Variants in ZNF28 observed in about 807,000 individuals in gnomAD.
The protein encoded by ZNF28 is zinc finger protein KOX24.
In ZNF28, 5 loss-of-function variants were observed where a neutral mutation model predicts 7.2. That is an observed-to-expected ratio of 0.70 (90% confidence interval 0.36 to 1.46). The LOEUF (loss-of-function observed/expected upper bound fraction) is 1.46, where lower values mean the gene tolerates loss of function less well. ZNF28 is among the 40% of genes most tolerant of loss of function. ZNF28 has a pLI of 0.03. For missense variants in ZNF28, 879 were observed against 866.6 expected (o/e 1.01, Z -0.18); for synonymous variants, 288 against 292.4 (o/e 0.99, Z 0.15).
intron 2 of ZNF28, among the ~76,000 whole-genome samples, chr19:52,815,926 T>C (rs183147878): frequency 2.7e-5 from 4 of 147,526 alleles, no homozygotes; most frequent in Non-Finnish European, 5.9e-5. Context: ...GTAACAAACC[T>C]TCACATGTAG....
At position 52,813,929 on chromosome 19, in the gene ZNF28, CTG is replaced by C. The variant is rs1447714195; in HGVS notation, c.15+4013_15+4014del. Among the ~76,000 whole-genome samples, 3 of 145,488 alleles carry C rather than the reference CTG, an allele frequency of 2.1e-5. 1 individual carries two copies. The highest frequency in any genetic ancestry group is 2.0e-4 in the East Asian group (1 of 4,932). On this transcript the variant is annotated intron_variant, in intron 2 of 3. Transcript: ENST00000457749. Reference sequence around the variant, plus strand: ...GGAACAGGGAGGTGGGAGATGGACTCTGTTTATTTTTTTAAGCTCATTTCCAG... The same window carrying C: ...GGAACAGGGAGGTGGGAGATGGACTCTTTATTTTTTTAAGCTCATTTCCAG...
Position 52,801,113 on chromosome 19 carries a change from T to C in ZNF28, c.732A>G (p.Lys244=). The C allele has an allele frequency of 6.2e-7, 1 of 1,614,140 alleles. No individual in the cohort carries two copies. Among genetic ancestry groups the C allele is most frequent in the Non-Finnish European group, 8.5e-7 (1 of 1,180,018 alleles). Residue 244 remains lysine (K), a synonymous_variant, in exon 4 of 4, where the codon AAA becomes AAG. Transcript: ENST00000457749. Reference sequence around the variant, plus strand: ...TAAATACCTTGCCATATACATCACATTTACATTGTTTCTCTTCTAAGTGGG... The same window carrying C: ...TAAATACCTTGCCATATACATCACACTTACATTGTTTCTCTTCTAAGTGGG... ...QITHLEEKQC[K]CDVYGKVFNQ... is the part of the protein sequence containing the mutation.
intron 3 of ZNF28, chr19:52,805,991 A>G (rs2062932506): frequency 6.6e-6 from 1 of 152,094 alleles, no homozygotes; most frequent in African/African-American, 2.4e-5. Flanking sequence ...ATAAATACAT[A>G]AAGTAATTAA....
chr19:52,805,712 G>A (rs1378480435), intron 3 of ZNF28: 2 of 151,390 alleles, frequency 1.3e-5, no homozygotes, highest in East Asian at 3.9e-4. Context: ...GCCAAGCATC[G>A]TGGTTCATGC....
intron 2 of ZNF28, among the ~76,000 whole-genome samples, chr19:52,812,122 G>A (rs1167402865): frequency 2.7e-5 from 3 of 111,876 alleles, no homozygotes; most frequent in South Asian, 3.4e-4. Flanking sequence ...CTGGCCAGCC[G>A]CCCCGTCCGG....
intron 1 of ZNF28, among the ~76,000 whole-genome samples, chr19:52,820,412 C>T (rs1320520645): frequency 4.2e-5 from 3 of 71,386 alleles, no homozygotes; most frequent in Non-Finnish European, 8.3e-5. Flanking sequence ...CCACCGCGCC[C>T]GGCCCTTATT....
chr19:52,811,633 A>G, intron 2 of ZNF28, among the ~76,000 whole-genome samples: 1 of 143,572 alleles, frequency 7.0e-6, no homozygotes, highest in African/African-American at 2.8e-5. Context: ...CCCGTCTGAG[A>G]AGTGAGGAAA....
At chr19:52,806,438 C>A (rs370267155) in intron 3 of ZNF28, among the ~76,000 whole-genome samples, 13 of 152,162 alleles carry the variant, frequency 8.5e-5, no homozygotes, top group African/African-American at 3.1e-4. Flanking sequence ...AGGTGATATG[C>A]CCATCTCAGC....
chr19:52,818,628 A>G (rs2147691694), intron 1 of ZNF28, among the ~76,000 whole-genome samples: 1 of 152,124 alleles, frequency 6.6e-6, no homozygotes, highest in East Asian at 1.9e-4. Context: ...AATTGCTTGA[A>G]CCTGGAAGGT....
intron 2 of ZNF28, among the ~76,000 whole-genome samples, chr19:52,811,607 G>T (rs1302367080): frequency 1.4e-4 from 20 of 145,042 alleles, no homozygotes; most frequent in Middle Eastern, 3.7e-3. Flanking sequence ...GGTGAGGAGC[G>T]TCTCTGCCCG....
chr19:52,798,470 T>C lies in ZNF28; in HGVS notation c.*1218A>G. The stretch of plus-strand genomic sequence containing the variant: ...CTCCAAAAGGAATTGTCTGATGGTC[T>C]GCAAGGAGTGATCTCGGACTGAAGA... On this transcript the variant is annotated 3_prime_UTR_variant, in exon 4 of 4. Transcript: ENST00000457749. 2.1e-6 allele frequency: 1 copy of C among 470,996 alleles called. No individual in the cohort carries two copies. Among genetic ancestry groups the C allele is most frequent in the South Asian group, 1.6e-5 (1 of 61,470 alleles). The allele number at this position is 470,996 out of a possible 1,614,324, so 29.2% of individuals were successfully genotyped here.
At chr19:52,816,633 C>T (rs1331861785) in intron 2 of ZNF28, among the ~76,000 whole-genome samples, 1 of 125,816 alleles carries the variant, frequency 7.9e-6, no homozygotes, top group Non-Finnish European at 1.6e-5. Flanking sequence ...CAAAGCACTC[C>T]ACCCTGGGTG....
rs1377518649 is a variant in ZNF28, at chr19:52,814,844, A to G, written c.15+3100T>C. On this transcript the variant is annotated intron_variant, in intron 2 of 3. Coordinates refer to ENST00000457749, the MANE Select transcript of ZNF28 (RefSeq NM_006969.5). ...AGAGGCTACAGTGAGCCAAGATCAC[A>G]CCACTGCGCTCCAGCCTGGGCAACA... Among the ~76,000 whole-genome samples the G allele has an allele frequency of 2.0e-5, 3 of 146,670 alleles. 1 individual carries two copies. In the East Asian group the frequency reaches 6.0e-4, roughly 29 times the overall value.
chr19:52,810,732 A>G, intron 2 of ZNF28: 1 of 701,900 alleles, frequency 1.4e-6, no homozygotes, highest in Non-Finnish European at 2.5e-6. Context: ...TAGGAGAGAG[A>G]GGAAAAAAAG....
At chr19:52,811,747 T>G (rs2063045914) in intron 2 of ZNF28, among the ~76,000 whole-genome samples, 1 of 146,904 alleles carries the variant, frequency 6.8e-6, no homozygotes, top group Non-Finnish European at 1.5e-5. Flanking sequence ...AGCCGCCCCG[T>G]CCGGGAGGGA....
chr19:52,807,766 C>T (rs1198386390), intron 3 of ZNF28: 23 of 687,448 alleles, frequency 3.3e-5, no homozygotes, highest in Admixed American at 2.3e-4. Context: ...TGAGCCACCA[C>T]GACCAGGCTG....
At chr19:52,808,235 G>A (rs2062962440) in intron 2 of ZNF28, 102 bp from the exon 3 acceptor site, 21 of 1,542,532 alleles carry the variant, frequency 1.4e-5, no homozygotes, top group Non-Finnish European at 1.6e-5. Context: ...TGTAGTGAAT[G>A]TTCTCACAAA....
chr19:52,809,959 A>ACG, intron 2 of ZNF28: 1 of 807,114 alleles, frequency 1.2e-6, no homozygotes, highest in East Asian at 2.7e-5. Flanking sequence ...GGCGCAGGGG[A>ACG]CGATGGGAAC....
Position 52,800,696 on chromosome 19 carries a change from A to C in ZNF28, c.1149T>G (p.Tyr383Ter). Residue 383 changes from tyrosine to a stop codon, truncating the protein, a stop_gained, in exon 4 of 4, where the codon TAT (tyrosine) becomes TAG (stop). Coordinates refer to ENST00000457749, the MANE Select transcript of ZNF28 (RefSeq NM_006969.5). LOFTEE classifies it low-confidence loss of function (END_TRUNC). ...HRRLHTGEKP[Y>*]ECEECEKVFS... ...AAACTTTTTCACATTCTTCACATTC[A>C]TAAGGTTTCTCTCCAGTATGAAGCC... 2 of 1,612,334 alleles carry C rather than the reference A, an allele frequency of 1.2e-6. No homozygotes were observed. Among genetic ancestry groups the C allele is most frequent in the Non-Finnish European group, 1.7e-6 (2 of 1,179,538 alleles).
Sources: allele counts gnomAD v4.1 joint callset (sites outside exome capture counted in the v4.1 genomes callset), GRCh38; gene constraint gnomAD v4.1.1; transcripts MANE v1.5; gene names NCBI Gene and HGNC (gene_info 2026-07-23, HGNC 2026-07-21).